Variants in AFP observed in about 807,000 individuals in gnomAD.
AFP encodes alpha fetoprotein.
Under a neutral mutation model 78.9 loss-of-function variants are expected in AFP, and 64 were observed. The ratio of observed to expected loss-of-function variants is 0.81; its 90% CI spans 0.66 to 1.00. The LOEUF is 1.00. Among genes scored for constraint, AFP ranks in the 50% least tolerant of loss-of-function variants. The pLI is 0.00. For missense variants in AFP, 689 were observed against 703.8 expected, an observed-to-expected ratio of 0.98 and a Z score of 0.24; for synonymous variants, 254 against 243.8, an observed-to-expected ratio of 1.04 and a Z score of -0.39.
At chr4:73,445,579 C>T (rs577948812) in intron 7 of AFP, among the ~76,000 whole-genome samples, 1 of 152,286 alleles carries the variant, frequency 6.6e-6, no homozygotes, top group South Asian at 2.1e-4. Context: ...AGAGATAAGA[C>T]AGTGACCTCC....
At chr4:73,440,188 A>G (rs1238653362) in intron 3 of AFP, among the ~76,000 whole-genome samples, 1 of 151,818 alleles carries the variant, frequency 6.6e-6, no homozygotes, top group Non-Finnish European at 1.5e-5. Context: ...TGCATTACCT[A>G]TTTTTCCTAA....
chr4:73,441,357 G>A (rs921027906), intron 4 of AFP, among the ~76,000 whole-genome samples: 1 of 151,866 alleles, frequency 6.6e-6, no homozygotes, highest in South Asian at 2.1e-4. Context: ...ACGAGGTCAG[G>A]AGATCGAGAC....
chr4:73,452,659 T>C, intron 12 of AFP, 35 bp downstream of exon 12: 1 of 1,533,842 alleles, frequency 6.5e-7, no homozygotes, highest in South Asian at 1.1e-5. Flanking sequence ...TGGAAAAGAA[T>C]GACAACCCCA....
rs779033016 is a variant in AFP at position 73,450,151 on chromosome 4, G to A, written c.1289+18G>A. The A allele has an allele frequency of 2.6e-6, 4 of 1,550,760 alleles. No homozygotes were observed. In the East Asian group the frequency reaches 9.1e-5, roughly 35 times the overall value. The stretch of plus-strand genomic sequence containing the variant: ...CAAAATGCGTATGTTTTTGTAAACA[G>A]TATTTTTAGTGAATTAAAATTATTA... On this transcript the variant is annotated intron_variant, in intron 10 of 14. Transcript: ENST00000395792.
rs1417535104 is a variant in AFP at position 73,453,911 on chromosome 4, A to C, written c.1785+14A>C. On this transcript the variant is annotated intron_variant, in intron 13 of 14. Coordinates refer to ENST00000395792, the MANE Select transcript of AFP (RefSeq NM_001134.3). The stretch of plus-strand genomic sequence containing the variant: ...TTTGCTGAAGAGGTACATGCAGCTC[A>C]TTTCATACTCAAAATACTTGCTATG... 3.7e-6 allele frequency: 6 copies of C among 1,613,432 alleles called. No homozygotes were observed. Among genetic ancestry groups the C allele is most frequent in the Non-Finnish European group, 5.1e-6 (6 of 1,179,494 alleles).
At chr4:73,448,550 A>G (rs1190733736) in intron 8 of AFP, among the ~76,000 whole-genome samples, 1 of 152,186 alleles carries the variant, frequency 6.6e-6, no homozygotes, top group Non-Finnish European at 1.5e-5. Flanking sequence ...AAGCTAGAAT[A>G]AAGTTCAGAT....
At chr4:73,453,742 T>A (rs775754650) in intron 12 of AFP, 23 bp from the exon 13 acceptor site, 4 of 1,611,840 alleles carry the variant, frequency 2.5e-6, no homozygotes, top group Non-Finnish European at 2.5e-6. Flanking sequence ...TTCTCTTGTA[T>A]TTTGTTTTGT....
chr4:73,444,620 A>T (rs2149334475), intron 6 of AFP, among the ~76,000 whole-genome samples: 1 of 152,156 alleles, frequency 6.6e-6, no homozygotes, highest in East Asian at 1.9e-4. Context: ...CCCAGTAAAA[A>T]ATGGTTCTCA....
intron 2 of AFP, 75 bp from the exon 3 acceptor site, chr4:73,438,099 T>A (rs903236074): frequency 1.9e-6 from 3 of 1,578,824 alleles, no homozygotes; most frequent in Admixed American, 3.6e-5. Flanking sequence ...AACAAACAAA[T>A]GAAAAACTAT....
chr4:73,454,518 T>C (rs1720103829), intron 13 of AFP, among the ~76,000 whole-genome samples: 1 of 152,196 alleles, frequency 6.6e-6, no homozygotes, highest in African/African-American at 2.4e-5. Context: ...AATATATTTA[T>C]ACATTGTGAA....
intron 1 of AFP, 69 bp from the exon 2 acceptor site, chr4:73,437,091 T>C: frequency 8.6e-7 from 1 of 1,156,856 alleles, no homozygotes; most frequent in Non-Finnish European, 1.3e-6. Flanking sequence ...CAAACATTCA[T>C]ATGTAACAAT....
intron 12 of AFP, among the ~76,000 whole-genome samples, chr4:73,453,101 T>G (rs1319383051): frequency 2.0e-5 from 3 of 152,218 alleles, no homozygotes; most frequent in African/African-American, 7.2e-5. Context: ...GGAGCTCTTT[T>G]GTAATGGTGA....
chr4:73,446,611 AC>A, intron 7 of AFP, among the ~76,000 whole-genome samples: 2 of 145,544 alleles, frequency 1.4e-5, no homozygotes, highest in Non-Finnish European at 3.0e-5. Flanking sequence ...TATCATTCTT[AC>A]GGAATTTCTC....
chr4:73,442,337 C>T lies in AFP; in HGVS notation c.524C>T (p.Ala175Val). Residue 175 changes from alanine to valine, a missense_variant, in exon 5 of 15, where the codon GCA becomes GTA. Physicochemically the swap from Ala to Val is moderately conservative, Grantham distance 64 (BLOSUM62 0). Transcript: ENST00000395792. ...GCAAGAAGGCATCCCTTCCTGTATG[C>T]ACCTACAATTCTTCTTTGGGCTGCT... ...EIARRHPFLY[A>V]PTILLWAARY... 1 of 1,613,802 alleles carries T rather than the reference C, an allele frequency of 6.2e-7. No homozygotes were observed. Among genetic ancestry groups the T allele is most frequent in the Non-Finnish European group, 8.5e-7 (1 of 1,179,748 alleles).
Position 73,442,005 on chromosome 4 carries a change from G to T in AFP, c.483-291G>T, listed in dbSNP as rs565599006. Reference sequence around the variant, plus strand: ...ATATCTGAGTAGGCTTATTGAAAAGGACCTTTTAATAAGAATCATGGTTAG... The same window carrying T: ...ATATCTGAGTAGGCTTATTGAAAAGTACCTTTTAATAAGAATCATGGTTAG... On this transcript the variant is annotated intron_variant, in intron 4 of 14. Transcript: ENST00000395792. Among the ~76,000 whole-genome samples the T allele has an allele frequency of 1.8e-3, 275 of 152,214 alleles. 1 individual carries two copies. Among genetic ancestry groups the T allele is most frequent in the African/African-American group, 6.0e-3 (250 of 41,528 alleles).
intron 6 of AFP, 58 bp from the exon 7 acceptor site, chr4:73,444,935 C>A (rs1719773970): frequency 1.4e-6 from 2 of 1,444,298 alleles, no homozygotes; most frequent in Admixed American, 3.7e-5. Context: ...TCTATAAATT[C>A]TATTTTATTT....
rs144523159 is a variant in AFP, at chr4:73,447,499, C to T, written c.881C>T (p.Thr294Ile). ...TCCTACATATGTTCTCAACAAGACA[C>T]TCTGTCAAACAAAATAACAGAATGC... ...IMSYICSQQD[T>I]LSNKITECCK... The change falls in exon 8 of 15, where the codon ACT (threonine) becomes ATT (isoleucine). Residue 294 changes from threonine (T) to isoleucine (I), a missense_variant. Coordinates refer to ENST00000395792, the MANE Select transcript of AFP (RefSeq NM_001134.3). 4.5e-5 allele frequency: 72 copies of T among 1,611,768 alleles called. No individual in the cohort carries two copies. In the African/African-American group the frequency reaches 8.7e-4, roughly 19 times the overall value.
intron 3 of AFP, among the ~76,000 whole-genome samples, chr4:73,440,287 A>T (rs995015733): frequency 2.6e-5 from 4 of 152,166 alleles, no homozygotes; most frequent in African/African-American, 9.7e-5. Flanking sequence ...TTATATATTT[A>T]TAAAAGTTTA....
chr4:73,440,433 G>C (rs1167553658), intron 3 of AFP, among the ~76,000 whole-genome samples, 169 bp from the exon 4 acceptor site: 1 of 152,114 alleles, frequency 6.6e-6, no homozygotes, highest in African/African-American at 2.4e-5. Context: ...CCATAAGGCA[G>C]CAAAGAAATC....
Sources: gnomAD v4.1 joint callset for allele counts (sites outside exome capture counted in the v4.1 genomes callset) on GRCh38, gnomAD v4.1.1 for gene constraint, MANE v1.5 for transcripts, NCBI Gene and HGNC (gene_info 2026-07-23, HGNC 2026-07-21) for gene names.